Variants in KCNMB2 observed in about 807,000 individuals in gnomAD.
The protein encoded by KCNMB2 is calcium-activated potassium channel subunit beta-2.
A neutral mutation model predicts 24.5 loss-of-function variants in KCNMB2; 9 were observed. The ratio of observed to expected loss-of-function variants is 0.37; its 90% CI spans 0.22 to 0.64. KCNMB2 has a LOEUF of 0.64. Ranked by LOEUF, KCNMB2 falls within the 30% of genes least tolerant of loss-of-function variation. The pLI, the probability that KCNMB2 is intolerant of heterozygous loss-of-function variation, is 0.63. For missense variants in KCNMB2, 226 were observed against 284.3 expected (o/e 0.79, Z 1.47); for synonymous variants, 109 against 104.4 (o/e 1.04, Z -0.27).
At chr3:178,794,806 G>T (rs1481399456) in intron 1 of KCNMB2, among the ~76,000 whole-genome samples, 1 of 152,180 alleles carries the variant, frequency 6.6e-6, no homozygotes, top group Non-Finnish European at 1.5e-5. Flanking sequence ...CCACAGCTCT[G>T]TGAAGAGCCC....
In KCNMB2 at chr3:178,557,151, T is replaced by C. The variant is rs537985300; in HGVS notation, c.-68+20440T>C. Among the ~76,000 whole-genome samples, 3 of 152,328 alleles carry C rather than the reference T, an allele frequency of 2.0e-5. No individual in the cohort carries two copies. In the East Asian group the frequency reaches 5.8e-4, roughly 29 times the overall value. ...ACATAAAACTCACTTAGGACCCTTATTATAATACTAACACCTGGTCCTGAT... is the reference window on the plus strand; with the variant it reads ...ACATAAAACTCACTTAGGACCCTTACTATAATACTAACACCTGGTCCTGAT... On this transcript the variant is annotated intron_variant, in intron 1 of 4. Transcript: ENST00000452583.
chr3:178,725,004 T>C (rs889051739), intron 1 of KCNMB2, among the ~76,000 whole-genome samples: 5 of 152,122 alleles, frequency 3.3e-5, no homozygotes, highest in African/African-American at 1.2e-4. Context: ...CAGACTCTTT[T>C]TTGGTGAGAA....
At chr3:178,580,837 A>T (rs959111098) in intron 1 of KCNMB2, among the ~76,000 whole-genome samples, 5 of 152,220 alleles carry the variant, frequency 3.3e-5, no homozygotes, top group Admixed American at 2.6e-4. Flanking sequence ...TTCAAGGACA[A>T]CTACAAAGCA....
rs1717171266 is a variant in KCNMB2, at chr3:178,580,832, GGAC to G, written c.-68+44122_-68+44124del. On this transcript the variant is annotated intron_variant, in intron 1 of 4. Coordinates refer to ENST00000452583, the MANE Select transcript of KCNMB2 (RefSeq NM_181361.3). ...CAAGGGATGTGAAGGACCTCTTCAA[GGAC>G]AACTACAAAGCACTGCTCAAGGAAA... 2.6e-5 allele frequency among the ~76,000 whole-genome samples: 4 copies of G among 152,192 alleles called. No homozygotes were observed. The East Asian group carries it at 7.7e-4, about 29-fold the overall frequency.
At chr3:178,584,977 T>C (rs55776635) in intron 1 of KCNMB2, among the ~76,000 whole-genome samples, 56,066 of 152,082 alleles carry the variant, frequency 0.37, 10,835 homozygotes, top group African/African-American at 0.5. Context: ...CTATCTACAA[T>C]GTTCTTTCTT....
At chr3:178,561,845 G>A (rs753658474) in intron 1 of KCNMB2, among the ~76,000 whole-genome samples, 2 of 152,166 alleles carry the variant, frequency 1.3e-5, no homozygotes, top group Non-Finnish European at 2.9e-5. Flanking sequence ...CACCATTACA[G>A]GACACCAAAC....
chr3:178,819,311 C>A (rs193234452), intron 2 of KCNMB2, among the ~76,000 whole-genome samples: 282 of 152,190 alleles, frequency 1.9e-3, no homozygotes, highest in African/African-American at 6.5e-3. Context: ...TCACTGTAAC[C>A]CTACACAGTT....
intron 1 of KCNMB2, among the ~76,000 whole-genome samples, chr3:178,659,638 G>A (rs1720457109): frequency 6.6e-6 from 1 of 152,128 alleles, no homozygotes; most frequent in Non-Finnish European, 1.5e-5. Context: ...TTTCTGCACT[G>A]TACAGCTTGG....
chr3:178,537,853 T>C (rs1404833440), intron 1 of KCNMB2, among the ~76,000 whole-genome samples: 1 of 152,218 alleles, frequency 6.6e-6, no homozygotes, highest in African/African-American at 2.4e-5. Flanking sequence ...TGAAAAACTC[T>C]GTATTCTGAG....
At chr3:178,712,181 T>A (rs1333694136) in intron 1 of KCNMB2, among the ~76,000 whole-genome samples, 1 of 152,206 alleles carries the variant, frequency 6.6e-6, no homozygotes, top group East Asian at 1.9e-4. Flanking sequence ...TATCACTTTT[T>A]TCCCAACAGA....
At position 178,555,558 on chromosome 3, in the gene KCNMB2, C is replaced by T. The variant is rs555730714; in HGVS notation, c.-68+18847C>T. Among the ~76,000 whole-genome samples the T allele has an allele frequency of 1.2e-4, 19 of 152,164 alleles. No homozygotes were observed. The South Asian group carries it at 3.5e-3, about 28-fold the overall frequency. Reference sequence around the variant, plus strand: ...TGATGGGTGAGCAATCAAAACTAGCCGTTGTTATAAAAGCATGGGCTATGT... The same window carrying T: ...TGATGGGTGAGCAATCAAAACTAGCTGTTGTTATAAAAGCATGGGCTATGT... On this transcript the variant is annotated intron_variant, in intron 1 of 4. Transcript: ENST00000452583.
At chr3:178,546,369 T>C (rs1265910542) in intron 1 of KCNMB2, among the ~76,000 whole-genome samples, 2 of 152,228 alleles carry the variant, frequency 1.3e-5, no homozygotes, top group Non-Finnish European at 2.9e-5. Context: ...GCTATCTTTT[T>C]TCATATAAGC....
At chr3:178,754,184 A>T (rs1310272633) in intron 1 of KCNMB2, among the ~76,000 whole-genome samples, 1 of 88,314 alleles carries the variant, frequency 1.1e-5, no homozygotes, top group Non-Finnish European at 2.2e-5. Flanking sequence ...ATATACACAC[A>T]CACACACATA....
intron 1 of KCNMB2, among the ~76,000 whole-genome samples, chr3:178,769,739 TG>T (rs1294094571): frequency 1.3e-5 from 2 of 152,178 alleles, no homozygotes; most frequent in African/African-American, 4.8e-5. Flanking sequence ...GAAGAAAAAG[TG>T]CTGAAGAATA....
intron 1 of KCNMB2, among the ~76,000 whole-genome samples, chr3:178,551,178 C>G (rs771803352): frequency 1.3e-5 from 2 of 152,182 alleles, no homozygotes; most frequent in South Asian, 2.1e-4. Context: ...GATGAAGGAA[C>G]AGTACAGATG....
chr3:178,800,189 A>T (rs1174885424), intron 1 of KCNMB2, among the ~76,000 whole-genome samples: 1 of 152,182 alleles, frequency 6.6e-6, no homozygotes, highest in Non-Finnish European at 1.5e-5. Flanking sequence ...GATCACATCA[A>T]GTTAAAAAGC....
chr3:178,612,844 T>C (rs562248738), intron 1 of KCNMB2, among the ~76,000 whole-genome samples: 1 of 152,316 alleles, frequency 6.6e-6, no homozygotes, highest in Admixed American at 6.5e-5. Flanking sequence ...TTTCCTCTAG[T>C]GAAGGTGATT....
intron 1 of KCNMB2, among the ~76,000 whole-genome samples, chr3:178,687,564 T>C (rs548469668): frequency 6.6e-6 from 1 of 151,236 alleles, no homozygotes; most frequent in South Asian, 2.1e-4. Context: ...TGGAGAATGA[T>C]ACGCAAACAG....
chr3:178,583,724 C>T (rs899910475), intron 1 of KCNMB2, among the ~76,000 whole-genome samples: 5 of 152,146 alleles, frequency 3.3e-5, no homozygotes, highest in East Asian at 3.8e-4. Context: ...TAATACCTTA[C>T]GCTCTTCACA....
Sources: allele counts gnomAD v4.1 joint callset (sites outside exome capture counted in the v4.1 genomes callset), GRCh38; gene constraint gnomAD v4.1.1; transcripts MANE v1.5; gene names NCBI Gene and HGNC (gene_info 2026-07-23, HGNC 2026-07-21).